Variants in GPC3 observed in about 807,000 individuals in gnomAD.
GPC3 encodes the protein glypican 3, also known as glypican-3.
GPC3 carries 3 observed loss-of-function variants against 34.4 expected under a neutral mutation model. That is an observed-to-expected ratio of 0.09 (90% CI 0.04 to 0.23). The LOEUF (loss-of-function observed/expected upper bound fraction) is 0.23. GPC3 is among the 10% of genes least tolerant of loss of function. The pLI is 1.00. For synonymous variants in GPC3, 177 were observed against 174.0 expected (o/e 1.02, Z -0.13); for missense variants, 351 against 445.6 (o/e 0.79, Z 1.91).
chrX:133,850,352 G>A (rs1306028543), intron 2 of GPC3, among the ~76,000 whole-genome samples: 1 of 110,839 alleles, frequency 9.0e-6, no homozygotes, highest in Non-Finnish European at 1.9e-5. Flanking sequence ...TTGAAGAGTA[G>A]TTTCAGAACT....
chrX:133,541,518 A>C (rs1252045079), intron 7 of GPC3, among the ~76,000 whole-genome samples: 2 of 112,282 alleles, frequency 1.8e-5, no homozygotes, highest in Non-Finnish European at 3.8e-5. Context: ...AAATCCAAAA[A>C]TCTGTTTCTA....
chrX:133,829,773 T>C (rs1316350581), intron 2 of GPC3, among the ~76,000 whole-genome samples: 1 of 111,282 alleles, frequency 9.0e-6, no homozygotes. Context: ...TCAGACAAAG[T>C]AGACTACAGA....
chrX:133,738,923 A>C (rs1170373051), intron 3 of GPC3, among the ~76,000 whole-genome samples: 1 of 112,107 alleles, frequency 8.9e-6, no homozygotes, highest in African/African-American at 3.2e-5. Context: ...GACTACAGCC[A>C]TACATGCTGA....
chrX:133,881,974 C>T (rs1417817724), intron 2 of GPC3, among the ~76,000 whole-genome samples: 4 of 112,582 alleles, frequency 3.6e-5, no homozygotes, highest in East Asian at 5.6e-4. Flanking sequence ...AAGGGCCCTT[C>T]GCGCCGTGCC....
At chrX:133,857,805 C>A (rs901569486) in intron 2 of GPC3, among the ~76,000 whole-genome samples, 2 of 112,210 alleles carry the variant, frequency 1.8e-5, no homozygotes, top group Non-Finnish European at 3.8e-5. Flanking sequence ...ACACCCCAAG[C>A]CAGCAAATAA....
intron 3 of GPC3, among the ~76,000 whole-genome samples, chrX:133,728,955 T>C (rs756597357): frequency 7.4e-4 from 83 of 111,766 alleles, no homozygotes; most frequent in African/African-American, 2.5e-3. Context: ...TAGAAAACAG[T>C]TTCTTTAGAA....
At chrX:133,985,210 T>C in intron 1 of GPC3, 65 bp downstream of exon 1, 2 of 1,135,252 alleles carry the variant, frequency 1.8e-6, no homozygotes, top group Non-Finnish European at 2.4e-6. Flanking sequence ...GCGCTCAGGG[T>C]ACAGCCACCA....
At chrX:133,711,830 C>T (rs2071270962) in intron 3 of GPC3, among the ~76,000 whole-genome samples, 1 of 111,444 alleles carries the variant, frequency 9.0e-6, no homozygotes, top group Non-Finnish European at 1.9e-5. Flanking sequence ...TACCTTATAC[C>T]CAGAACTGAG....
intron 2 of GPC3, among the ~76,000 whole-genome samples, chrX:133,918,288 T>C (rs2076233332): frequency 8.9e-6 from 1 of 112,224 alleles, no homozygotes; most frequent in South Asian, 3.7e-4. Context: ...AGATTATAAA[T>C]TGCCAAATTG....
At chrX:133,887,070 G>A (rs1056112837) in intron 2 of GPC3, among the ~76,000 whole-genome samples, 1 of 112,329 alleles carries the variant, frequency 8.9e-6, no homozygotes, top group Non-Finnish European at 1.9e-5. Context: ...GCAGTGGCAC[G>A]ATCATGGCTC....
chrX:133,875,303 T>G (rs2076011208), intron 2 of GPC3, among the ~76,000 whole-genome samples: 1 of 111,911 alleles, frequency 8.9e-6, no homozygotes, highest in South Asian at 3.8e-4. Context: ...CAATGCCACA[T>G]GTTGTACAAA....
intron 2 of GPC3, among the ~76,000 whole-genome samples, chrX:133,788,088 T>TTGTA (rs1291090668): frequency 1.5e-5 from 1 of 64,945 alleles, no homozygotes; most frequent in Non-Finnish European, 2.6e-5. Context: ...TCATATTATT[T>TTGTA]TATATATATA....
In GPC3 at chrX:133,538,886, A is replaced by AT. The variant is rs35105127; in HGVS notation, c.1574-2594dup. 7.0e-3 allele frequency among the ~76,000 whole-genome samples: 585 copies of AT among 83,605 alleles called. 4 individuals carry two copies. The highest frequency in any genetic ancestry group is 0.015 in the African/African-American group (336 of 21,948). 72.6% of individuals were successfully genotyped at this position (83,605 alleles called of 115,157 possible). ...GCCACCCTGCCTGGCTATTATTTGT[A>AT]TTTTTTTTTTTTTTTCTAGAGACGG... On this transcript the variant is annotated intron_variant, in intron 7 of 7. Transcript: ENST00000370818.
intron 6 of GPC3, among the ~76,000 whole-genome samples, chrX:133,658,670 A>C (rs1461856662): frequency 8.9e-6 from 1 of 112,350 alleles, no homozygotes; most frequent in African/African-American, 3.2e-5. Flanking sequence ...AGTCCAACCA[A>C]TTTTAACAGC....
chrX:133,948,939 G>C (rs2076381070), intron 2 of GPC3, among the ~76,000 whole-genome samples: 1 of 111,954 alleles, frequency 8.9e-6, no homozygotes, highest in African/African-American at 3.2e-5. Flanking sequence ...GGGGTAAAGT[G>C]GTCCACATAA....
chrX:133,911,038 T>C (rs1569453671), intron 2 of GPC3, among the ~76,000 whole-genome samples: 1 of 112,085 alleles, frequency 8.9e-6, no homozygotes, highest in Non-Finnish European at 1.9e-5. Context: ...ACACTCTCTG[T>C]ACTATGTTCA....
intron 4 of GPC3, among the ~76,000 whole-genome samples, chrX:133,697,466 CCTT>C (rs2124435312): frequency 9.0e-6 from 1 of 111,314 alleles, no homozygotes; most frequent in South Asian, 3.8e-4. Context: ...TTGAACTTAT[CCTT>C]CAGGCTGAGC....
chrX:133,748,450 C>T (rs2071630226), intron 3 of GPC3, among the ~76,000 whole-genome samples: 1 of 111,372 alleles, frequency 9.0e-6, no homozygotes. Context: ...GATATTTATC[C>T]TAGTTTGTAT....
At chrX:133,642,458 G>A (rs1434060142) in intron 6 of GPC3, among the ~76,000 whole-genome samples, 1 of 111,055 alleles carries the variant, frequency 9.0e-6, no homozygotes, top group African/African-American at 3.3e-5. Flanking sequence ...AAAATATGAC[G>A]ACTGAAGGGG....
Sources: gnomAD v4.1 joint callset for allele counts (sites outside exome capture counted in the v4.1 genomes callset) on GRCh38, gnomAD v4.1.1 for gene constraint, MANE v1.5 for transcripts, NCBI Gene and HGNC (gene_info 2026-07-23, HGNC 2026-07-21) for gene names.